EVI5: variants seen among roughly 807,000 people sequenced by gnomAD.
The protein encoded by EVI5 is ecotropic viral integration site 5.
A neutral mutation model predicts 112.0 loss-of-function variants in EVI5; 73 were observed. The ratio of observed to expected loss-of-function variants is 0.65; its 90% CI spans 0.54 to 0.79. The LOEUF (loss-of-function observed/expected upper bound fraction) is 0.79. Among genes scored for constraint, EVI5 ranks in the 30% least tolerant of loss-of-function variants. The pLI is 0.00. For missense variants in EVI5, 900 were observed against 968.8 expected, an observed-to-expected ratio of 0.93 and a Z score of 0.94; for synonymous variants, 305 against 319.9, an observed-to-expected ratio of 0.95 and a Z score of 0.50.
intron 15 of EVI5, 54 bp from the exon 16 acceptor site, chr1:92,624,388 C>A: frequency 7.0e-7 from 1 of 1,424,424 alleles, no homozygotes; most frequent in Non-Finnish European, 9.8e-7. Flanking sequence ...AAAATAAGAG[C>A]TAATATTACT....
At chr1:92,533,251 C>A (rs1043465058) in intron 19 of EVI5, among the ~76,000 whole-genome samples, 7 of 151,970 alleles carry the variant, frequency 4.6e-5, no homozygotes, top group Non-Finnish European at 1.0e-4. Flanking sequence ...AAGTTGAATC[C>A]CTGAATAGAC....
intron 1 of EVI5, among the ~76,000 whole-genome samples, chr1:92,765,683 A>G (rs1275296892): frequency 6.6e-6 from 1 of 152,098 alleles, no homozygotes; most frequent in Non-Finnish European, 1.5e-5. Context: ...TACCAAACCT[A>G]AAGTTGTCTT....
In EVI5 at chr1:92,509,280, A is replaced by C. The variant is rs1223607120; in HGVS notation, c.*4376T>G. On this transcript the variant is annotated 3_prime_UTR_variant, in exon 20 of 20. Coordinates refer to ENST00000684568, the MANE Select transcript of EVI5 (RefSeq NM_001350197.2). ...GTAGACCTTATTTTCAATCAAAGGC[A>C]CTATCTGGAGAGTTAACAAGCTGCA... 1.3e-5 allele frequency: 2 copies of C among 152,538 alleles called. No individual in the cohort carries two copies. Among genetic ancestry groups the C allele is most frequent in the Non-Finnish European group, 2.9e-5 (2 of 67,998 alleles). 9.4% of individuals were successfully genotyped at this position (152,538 alleles called of 1,614,324 possible). A position where few individuals can be genotyped will look rare whatever the true frequency, so the allele number is the denominator to read the frequency against.
At chr1:92,578,193 T>C (rs6671114) in intron 18 of EVI5, among the ~76,000 whole-genome samples, 140,257 of 152,254 alleles carry the variant, frequency 0.92, 64,690 homozygotes, top group East Asian at 0.97. Flanking sequence ...ATCCACATTG[T>C]TATTTCTCTA....
At chr1:92,662,998 A>C in intron 12 of EVI5, 133 bp from the exon 13 acceptor site, 1 of 376,504 alleles carries the variant, frequency 2.7e-6, no homozygotes, top group Non-Finnish European at 4.0e-6. Flanking sequence ...AGAACAGCCT[A>C]CGTAATCATT....
chr1:92,669,027 C>T (rs1665400901), intron 10 of EVI5, among the ~76,000 whole-genome samples: 1 of 152,136 alleles, frequency 6.6e-6, no homozygotes, highest in Non-Finnish European at 1.5e-5. Flanking sequence ...GTTTTAGAAT[C>T]TCCATTTCCT....
chr1:92,732,898 C>A (rs1390775808), intron 2 of EVI5, among the ~76,000 whole-genome samples: 111 of 89,038 alleles, frequency 1.2e-3, no homozygotes, highest in Non-Finnish European at 1.6e-3. Context: ...GACTCCATCT[C>A]AAAAAAAAAA....
intron 1 of EVI5, among the ~76,000 whole-genome samples, chr1:92,783,491 A>AG (rs1553277008): frequency 0.03 from 3,416 of 112,708 alleles, 233 homozygotes; most frequent in African/African-American, 0.11. Flanking sequence ...CTTAAAAAAA[A>AG]AAAAAAAAAA....
chr1:92,771,211 G>A (rs1683366556), intron 1 of EVI5, among the ~76,000 whole-genome samples: 1 of 151,878 alleles, frequency 6.6e-6, no homozygotes, highest in African/African-American at 2.4e-5. Flanking sequence ...CACTTTCCTT[G>A]GTTTCCTTTT....
At chr1:92,576,775 C>T (rs1671153560) in intron 18 of EVI5, among the ~76,000 whole-genome samples, 1 of 152,154 alleles carries the variant, frequency 6.6e-6, no homozygotes, top group Non-Finnish European at 1.5e-5. Context: ...TATGTATTCT[C>T]CCAGTTAAAA....
Position 92,749,177 on chromosome 1 carries a change from G to C in EVI5, c.-81-12550C>G, listed in dbSNP as rs191096160. 1.0e-4 allele frequency: 29 copies of C among 283,710 alleles called. No homozygotes were observed. In the East Asian group the frequency reaches 2.0e-3, roughly 20 times the overall value. 17.6% of individuals were successfully genotyped at this position (283,710 alleles called of 1,614,324 possible). On this transcript the variant is annotated intron_variant, in intron 1 of 19. Transcript: ENST00000684568. ...ATTGTATTATAGTCATGATGATAAG[G>C]CTTCTTCACTCCTCCAGTAGAGGGC...
chr1:92,605,168 C>T, intron 18 of EVI5, 139 bp downstream of exon 18: 1 of 639,672 alleles, frequency 1.6e-6, no homozygotes, highest in Non-Finnish European at 2.7e-6. Context: ...TCTATTTTAC[C>T]ACAATAAAAA....
At chr1:92,535,668 C>A (rs1663757543) in intron 19 of EVI5, among the ~76,000 whole-genome samples, 1 of 151,930 alleles carries the variant, frequency 6.6e-6, no homozygotes, top group South Asian at 2.1e-4. Flanking sequence ...ACAGAAAAAC[C>A]AAACACTGCA....
chr1:92,606,561 A>C (rs968010268), intron 17 of EVI5, among the ~76,000 whole-genome samples: 6 of 152,208 alleles, frequency 3.9e-5, no homozygotes, highest in Non-Finnish European at 4.4e-5. Context: ...AGTACTGCCT[A>C]CAGATTTCTG....
chr1:92,568,218 TA>T (rs940341338), intron 18 of EVI5, among the ~76,000 whole-genome samples: 9 of 150,564 alleles, frequency 6.0e-5, no homozygotes, highest in Non-Finnish European at 1.2e-4. Context: ...ACAAAAACAT[TA>T]AAAAAAATTA....
intron 2 of EVI5, among the ~76,000 whole-genome samples, chr1:92,716,299 G>C (rs981970962): frequency 6.6e-6 from 1 of 152,194 alleles, no homozygotes; most frequent in African/African-American, 2.4e-5. Flanking sequence ...CTGTTCTGCA[G>C]CCTCTGCTGG....
chr1:92,783,500 A>T (rs1291268052), intron 1 of EVI5, among the ~76,000 whole-genome samples: 2 of 108,834 alleles, frequency 1.8e-5, no homozygotes, highest in African/African-American at 3.1e-5. Context: ...AAAAAAAAAA[A>T]AAAAAAAGAA....
At chr1:92,639,212 T>A (rs1659466400) in intron 13 of EVI5, among the ~76,000 whole-genome samples, 1 of 152,124 alleles carries the variant, frequency 6.6e-6, no homozygotes, top group South Asian at 2.1e-4. Flanking sequence ...GTAAGCAGAG[T>A]CTGCTTTTCA....
Position 92,618,835 on chromosome 1 carries a change from C to A in EVI5, c.1827+5341G>T, listed in dbSNP as rs539268654. ...TTAAAATCATGTTTGTGTATGTATA[C>A]ATTTGTACTAAGAAAATATATTTTA... On this transcript the variant is annotated intron_variant, in intron 16 of 19. Coordinates refer to ENST00000684568, the MANE Select transcript of EVI5 (RefSeq NM_001350197.2). Among the ~76,000 whole-genome samples the A allele has an allele frequency of 7.2e-5, 11 of 152,264 alleles. No individual in the cohort carries two copies. In the East Asian group the frequency reaches 1.5e-3, roughly 21 times the overall value.
Sources: allele counts gnomAD v4.1 joint callset (sites outside exome capture counted in the v4.1 genomes callset), GRCh38; gene constraint gnomAD v4.1.1; transcripts MANE v1.5; gene names NCBI Gene and HGNC (gene_info 2026-07-23, HGNC 2026-07-21).